The following PLEKHG4B variants were observed in gnomAD, a reference collection of about 807,000 sequenced individuals.
The protein encoded by PLEKHG4B is pleckstrin homology and RhoGEF domain containing G4B.
In PLEKHG4B, 111 loss-of-function variants were observed where a neutral mutation model predicts 121.3. The observed-to-expected ratio is 0.92, with a 90% CI of 0.78 to 1.07. The LOEUF (loss-of-function observed/expected upper bound fraction) is 1.07, where lower values mean the gene tolerates loss of function less well. Ranked by LOEUF, PLEKHG4B falls within the 50% of genes least tolerant of loss-of-function variation. PLEKHG4B has a pLI of 0.00. For missense variants in PLEKHG4B, 1,831 were observed against 1,757.8 expected, an observed-to-expected ratio of 1.04 and a Z score of -0.74; for synonymous variants, 738 against 725.0, an observed-to-expected ratio of 1.02 and a Z score of -0.29.
At chr5:148,369 A>G (rs1735499474) in intron 6 of PLEKHG4B, among the ~76,000 whole-genome samples, 1 of 151,468 alleles carries the variant, frequency 6.6e-6, no homozygotes, top group Non-Finnish European at 1.5e-5. Flanking sequence ...AAATAAAAAT[A>G]AGTTAATTCA....
At chr5:104,630 G>A (rs540829642) in intron 1 of PLEKHG4B, among the ~76,000 whole-genome samples, 106 of 152,012 alleles carry the variant, frequency 7.0e-4, no homozygotes, top group Non-Finnish European at 1.3e-3. Context: ...ATTAATCACC[G>A]TACAGTATAC....
intron 2 of PLEKHG4B, among the ~76,000 whole-genome samples, chr5:130,737 G>T (rs1305787280): frequency 2.0e-5 from 3 of 152,190 alleles, no homozygotes; most frequent in Non-Finnish European, 4.4e-5. Flanking sequence ...GAAACAACTT[G>T]AGTGCACCGC....
At chr5:164,490 A>C (rs1736175991) in intron 13 of PLEKHG4B, among the ~76,000 whole-genome samples, 1 of 125,460 alleles carries the variant, frequency 8.0e-6, no homozygotes, top group Non-Finnish European at 1.6e-5. Context: ...AGCTCACACT[A>C]ATGCTCTGAC....
chr5:170,757 C>A (rs1019164396), intron 14 of PLEKHG4B, among the ~76,000 whole-genome samples: 1 of 152,040 alleles, frequency 6.6e-6, no homozygotes, highest in African/African-American at 2.4e-5. Flanking sequence ...CCAGCTGCAT[C>A]CTCTTCCCCC....
At chr5:146,716 C>T (rs555421327) in intron 6 of PLEKHG4B, among the ~76,000 whole-genome samples, 7 of 133,816 alleles carry the variant, frequency 5.2e-5, no homozygotes, top group Non-Finnish European at 1.1e-4. Context: ...CCTGACCCTG[C>T]GGCCCTCCCT....
rs1413876178 is a variant in PLEKHG4B, at chr5:159,340, CG to C, written c.2487+2430del. Among the ~76,000 whole-genome samples, 3 of 152,070 alleles carry C rather than the reference CG, an allele frequency of 2.0e-5. No homozygotes were observed. The highest frequency in any genetic ancestry group is 4.4e-5 in the Non-Finnish European group (3 of 68,014). On this transcript the variant is annotated intron_variant, in intron 11 of 19. Transcript: ENST00000637938. This position sits in a 1 kb window ranked among gnomAD's most constrained non-coding sequence, Gnocchi z 5.5. ...AGGTGTGCTCTTTGTGTCTGCACTGCGCCCCTCTGTTCTGGGAATTCTGTGA... is the reference window on the plus strand; with the variant it reads ...AGGTGTGCTCTTTGTGTCTGCACTGCCCCCTCTGTTCTGGGAATTCTGTGA...
At chr5:101,035 CTG>C in intron 1 of PLEKHG4B, among the ~76,000 whole-genome samples, 2 of 69,154 alleles carry the variant, frequency 2.9e-5, no homozygotes, top group Non-Finnish European at 5.1e-5. Context: ...TGGAAAAAGT[CTG>C]TAGGGGAGAG....
chr5:164,060 C>T (rs1273247255), intron 13 of PLEKHG4B, among the ~76,000 whole-genome samples: 1 of 152,264 alleles, frequency 6.6e-6, no homozygotes, highest in African/African-American at 2.4e-5. Context: ...CGGATGCCGT[C>T]TGAACCTCCA....
rs567149981 is a variant in PLEKHG4B at position 148,355 on chromosome 5, A to T, written c.1906-3158A>T. On this transcript the variant is annotated intron_variant, in intron 6 of 19. Transcript: ENST00000637938. ...CCCTAACAGTTCCACAAAAAAAAAA[A>T]AATAAATAAAAATAAGTTAATTCAG... is the stretch of plus-strand genomic sequence containing the variant. Among the ~76,000 whole-genome samples, 940 of 151,216 alleles carry T rather than the reference A, an allele frequency of 6.2e-3. 7 individuals are homozygous for T. Among genetic ancestry groups the T allele is most frequent in the African/African-American group, 0.01 (427 of 41,256 alleles).
intron 1 of PLEKHG4B, among the ~76,000 whole-genome samples, chr5:112,098 G>A (rs1187172678): frequency 3.9e-5 from 6 of 152,244 alleles, no homozygotes; most frequent in African/African-American, 1.4e-4. Flanking sequence ...CTGTCAACAA[G>A]TGAGTGGCCC....
At position 143,252 on chromosome 5, in the gene PLEKHG4B, C is replaced by A. The variant is rs1289784901; in HGVS notation, c.1683C>A (p.Leu561=). The change falls in exon 4 of 20, where the codon CTC becomes CTA. Residue 561 remains leucine, a synonymous_variant. Coordinates refer to ENST00000637938, the MANE Select transcript of PLEKHG4B (RefSeq NM_052909.5). ...TGCTGCAGTCCGGGGTCGTCACCCT[C>A]CCAGGTGAGAGCACATGCCAGGCTC... ...QELLQSGVVT[L]PGTRDRHGRA... is the part of the protein sequence containing the mutation. 6.2e-7 allele frequency: 1 copy of A among 1,609,926 alleles called. No individual in the cohort carries two copies. Among genetic ancestry groups the A allele is most frequent in the East Asian group, 2.2e-5 (1 of 44,892 alleles).
Sources: allele counts gnomAD v4.1 joint callset (sites outside exome capture counted in the v4.1 genomes callset), GRCh38; gene constraint gnomAD v4.1.1; non-coding constraint Gnocchi (gnomAD v3.1); transcripts MANE v1.5; gene names NCBI Gene and HGNC (gene_info 2026-07-23, HGNC 2026-07-21).